SLC24A2: variants seen among roughly 807,000 people sequenced by gnomAD.
SLC24A2 encodes the protein sodium/potassium/calcium exchanger 2.
Under a neutral mutation model 62.0 loss-of-function variants are expected in SLC24A2, and 36 were observed. That is an observed-to-expected ratio of 0.58 (90% CI 0.44 to 0.77). The LOEUF is 0.77. SLC24A2 is among the 30% of genes least tolerant of loss of function. SLC24A2 has a pLI of 0.00. For synonymous variants in SLC24A2, 358 were observed against 294.0 expected (o/e 1.22, Z -2.23); for missense variants, 846 against 817.9 (o/e 1.03, Z -0.42).
the SLC24A2 span, among the ~76,000 whole-genome samples, chr9:19,854,578 G>A: frequency 6.6e-6 from 1 of 152,288 alleles, no homozygotes; most frequent in Admixed American, 6.5e-5. Context: ...GGAGCAGATT[G>A]TTCAATTTCC....
At chr9:19,913,485 T>G in the SLC24A2 span, among the ~76,000 whole-genome samples, 1 of 152,058 alleles carries the variant, frequency 6.6e-6, no homozygotes, top group Non-Finnish European at 1.5e-5. Context: ...AATTGTGTCC[T>G]GAGGATAAAT....
the SLC24A2 span, among the ~76,000 whole-genome samples, chr9:19,829,088 A>G: frequency 6.6e-6 from 1 of 152,134 alleles, no homozygotes. Flanking sequence ...GTCTCTACAC[A>G]AGAAATCTAA....
At chr9:19,598,125 T>A (rs2132902928) in intron 4 of SLC24A2, among the ~76,000 whole-genome samples, 1 of 152,350 alleles carries the variant, frequency 6.6e-6, no homozygotes, top group Middle Eastern at 3.4e-3. Context: ...TTTCTTCAGT[T>A]TTAAAATAGC....
At chr9:20,213,838 G>C in the SLC24A2 span, among the ~76,000 whole-genome samples, 5 of 152,140 alleles carry the variant, frequency 3.3e-5, no homozygotes, top group Admixed American at 3.3e-4. Context: ...TTTATACTAG[G>C]TGCTTTATCT....
At chr9:19,896,422 T>C in the SLC24A2 span, among the ~76,000 whole-genome samples, 14,580 of 152,272 alleles carry the variant, frequency 0.096, 2,100 homozygotes, top group African/African-American at 0.31. Flanking sequence ...AAATGCCAAT[T>C]TGCTCAAGAC....
At chr9:20,166,200 A>C in the SLC24A2 span, among the ~76,000 whole-genome samples, 1 of 151,970 alleles carries the variant, frequency 6.6e-6, no homozygotes, top group Admixed American at 6.6e-5. Context: ...TACAGCTTCT[A>C]TAAAGGGGAA....
the SLC24A2 span, among the ~76,000 whole-genome samples, chr9:20,053,270 C>T: frequency 6.6e-6 from 1 of 152,102 alleles, no homozygotes; most frequent in Admixed American, 6.6e-5. Flanking sequence ...CACTACTCTG[C>T]CTTGCCTGTG....
chr9:19,556,035 C>A (rs913282320), intron 7 of SLC24A2, among the ~76,000 whole-genome samples: 43 of 152,128 alleles, frequency 2.8e-4, no homozygotes, highest in Admixed American at 2.7e-3. Flanking sequence ...CTTATCAATA[C>A]CGAACATTGA....
chr9:19,969,684 T>C, the SLC24A2 span, among the ~76,000 whole-genome samples: 1 of 152,110 alleles, frequency 6.6e-6, no homozygotes. Flanking sequence ...CGGTAGAAAG[T>C]TGGAAGACAG....
the SLC24A2 span, among the ~76,000 whole-genome samples, chr9:20,255,801 A>G: frequency 6.6e-6 from 1 of 152,226 alleles, no homozygotes; most frequent in East Asian, 1.9e-4. Context: ...AAGTGTGTCA[A>G]AGAATTCATG....
Position 19,577,018 on chromosome 9 carries a change from C to A in SLC24A2, c.1134G>T (p.Arg378Ser). Residue 378 changes from arginine (R) to serine (S), a missense_variant, in exon 6 of 11, where the codon AGG becomes AGT. Arg to Ser is a moderately radical substitution (Grantham distance 110). Coordinates refer to ENST00000341998, the MANE Select transcript of SLC24A2 (RefSeq NM_020344.4). ...KYYDTMTEEG[R>S]FREKASILHK... The stretch of plus-strand genomic sequence containing the variant: ...GGAGAATTGAAGCCTTTTCTCTGAA[C>A]CTCCCTGAAGCAAAAGAAAGTGGCA... The A allele has an allele frequency of 1.9e-6, 3 of 1,613,778 alleles. No homozygotes were observed. Among genetic ancestry groups the A allele is most frequent in the Non-Finnish European group, 2.5e-6 (3 of 1,179,700 alleles).
At chr9:19,536,187 T>A (rs116739291) in intron 8 of SLC24A2, among the ~76,000 whole-genome samples, 8,739 of 150,600 alleles carry the variant, frequency 0.058, 303 homozygotes, top group African/African-American at 0.1. Flanking sequence ...TCTTTTTTTT[T>A]AATTTTTTAT....
At chr9:19,657,896 T>TA (rs1277509070) in intron 2 of SLC24A2, among the ~76,000 whole-genome samples, 2 of 151,688 alleles carry the variant, frequency 1.3e-5, no homozygotes, top group Admixed American at 6.6e-5. Flanking sequence ...CCCAGCTAAT[T>TA]AAAAAAAAAT....
At chr9:19,746,228 C>T (rs565926188) in intron 2 of SLC24A2, among the ~76,000 whole-genome samples, 6 of 152,016 alleles carry the variant, frequency 3.9e-5, no homozygotes, top group African/African-American at 1.2e-4. Context: ...GACAACTTTC[C>T]GATGGGACCA....
chr9:19,995,580 A>T, the SLC24A2 span, among the ~76,000 whole-genome samples: 1 of 152,214 alleles, frequency 6.6e-6, no homozygotes, highest in Non-Finnish European at 1.5e-5. Flanking sequence ...GAATGATCAT[A>T]ACTAATGTTC....
chr9:20,005,628 G>C, the SLC24A2 span, among the ~76,000 whole-genome samples: 1 of 151,928 alleles, frequency 6.6e-6, no homozygotes, highest in African/African-American at 2.4e-5. Flanking sequence ...GGTTCTAAAG[G>C]ATGAGGTGGG....
At chr9:20,183,198 G>A in the SLC24A2 span, among the ~76,000 whole-genome samples, 1 of 152,176 alleles carries the variant, frequency 6.6e-6, no homozygotes, top group African/African-American at 2.4e-5. Flanking sequence ...ACATCCCAAA[G>A]ATAGGTGTGG....
At chr9:20,145,711 C>T in the SLC24A2 span, among the ~76,000 whole-genome samples, 1 of 151,520 alleles carries the variant, frequency 6.6e-6, no homozygotes, top group Admixed American at 6.6e-5. Context: ...TCAGGGATAA[C>T]CACTGTTAAC....
chr9:19,633,156 T>C (rs1020683506), intron 2 of SLC24A2, among the ~76,000 whole-genome samples: 13 of 152,236 alleles, frequency 8.5e-5, no homozygotes, highest in Admixed American at 2.6e-4. Flanking sequence ...TTTTATTTAG[T>C]AATATTTCAT....
Sources: gnomAD v4.1 joint callset for allele counts (sites outside exome capture counted in the v4.1 genomes callset) on GRCh38, gnomAD v4.1.1 for gene constraint, MANE v1.5 for transcripts, NCBI Gene and HGNC (gene_info 2026-07-23, HGNC 2026-07-21) for gene names.